Variants in FNIP2 observed in about 807,000 individuals in gnomAD.
FNIP2 encodes folliculin-interacting protein 2.
FNIP2 carries 32 observed loss-of-function variants against 108.7 expected under a neutral mutation model. The observed-to-expected ratio is 0.29, with a 90% CI of 0.22 to 0.40. The LOEUF (loss-of-function observed/expected upper bound fraction) is 0.40, where lower values mean the gene tolerates loss of function less well. FNIP2 is among the 10% of genes least tolerant of loss of function. FNIP2 has a pLI of 1.00. For synonymous variants in FNIP2, 480 were observed against 496.7 expected, an observed-to-expected ratio of 0.97 and a Z score of 0.45; for missense variants, 1,202 against 1,381.6, an observed-to-expected ratio of 0.87 and a Z score of 2.06.
At chr4:158,778,098 A>C (rs1775918077) in intron 1 of FNIP2, among the ~76,000 whole-genome samples, 1 of 152,218 alleles carries the variant, frequency 6.6e-6, no homozygotes, top group South Asian at 2.1e-4. Flanking sequence ...AGTAGTTCTC[A>C]AGTCTGGTCA....
intron 14 of FNIP2, among the ~76,000 whole-genome samples, chr4:158,888,664 A>G (rs1782138758): frequency 6.6e-6 from 1 of 152,158 alleles, no homozygotes; most frequent in Non-Finnish European, 1.5e-5. Flanking sequence ...CAAGGCAGGC[A>G]GATCACTTGA....
At chr4:158,774,071 G>A (rs1406200764) in intron 1 of FNIP2, among the ~76,000 whole-genome samples, 2 of 152,100 alleles carry the variant, frequency 1.3e-5, no homozygotes, top group African/African-American at 4.8e-5. Context: ...CTAATAGCCT[G>A]ACTTCACCAC....
chr4:158,879,808 A>C (rs1781482862), intron 14 of FNIP2, among the ~76,000 whole-genome samples: 1 of 150,608 alleles, frequency 6.6e-6, no homozygotes, highest in East Asian at 2.0e-4. Context: ...TTCACAAAAG[A>C]AGACATTTAT....
At position 158,789,311 on chromosome 4, in the gene FNIP2, G is replaced by A. The variant is rs1233586757; in HGVS notation, c.107+19992G>A. ...CTCAGAGCCTCTAAAAGCAGTGTGT[G>A]TGTGTGTGTATGTGTGTGTGTGTGT... On this transcript the variant is annotated intron_variant, in intron 1 of 16. Coordinates refer to ENST00000264433, the MANE Select transcript of FNIP2 (RefSeq NM_020840.3). 1.3e-4 allele frequency among the ~76,000 whole-genome samples: 16 copies of A among 124,774 alleles called. 1 individual carries two copies. The South Asian group carries it at 2.6e-3, about 20-fold the overall frequency. 81.9% of individuals were successfully genotyped at this position (124,774 alleles called of 152,430 possible).
chr4:158,870,404 C>T lies in FNIP2; in HGVS notation c.2884C>T (p.His962Tyr), dbSNP rs1560819589. The T allele has an allele frequency of 1.2e-6, 2 of 1,614,058 alleles. No homozygotes were observed. Among genetic ancestry groups the T allele is most frequent in the East Asian group, 2.2e-5 (1 of 44,888 alleles). The change falls in exon 14 of 17, where the codon CAT (histidine) becomes TAT (tyrosine). Residue 962 changes from histidine (H) to tyrosine (Y), a missense_variant. This residue lies in a region of FNIP2 where 2 missense variants were observed against 17.3 expected (regional missense o/e 0.12). Coordinates refer to ENST00000264433, the MANE Select transcript of FNIP2 (RefSeq NM_020840.3). ...CACATACATGCCTGATCTTGTGCTT[C>T]ATGGGACCGGCAGTGATGAGAAGCT... The part of the protein sequence containing the change: ...CPTYMPDLVL[H>Y]GTGSDEKLKQ...
chr4:158,774,468 T>A (rs561890922), intron 1 of FNIP2, among the ~76,000 whole-genome samples: 1 of 152,340 alleles, frequency 6.6e-6, no homozygotes, highest in East Asian at 1.9e-4. Context: ...AGAGTAAGGA[T>A]AATGTTTATG....
chr4:158,799,386 G>A (rs1776689096), intron 1 of FNIP2, among the ~76,000 whole-genome samples: 1 of 152,214 alleles, frequency 6.6e-6, no homozygotes, highest in Admixed American at 6.5e-5. Context: ...TCCTGATGTG[G>A]AGATTGGGAG....
chr4:158,878,492 C>T (rs1781403689), intron 14 of FNIP2, among the ~76,000 whole-genome samples: 1 of 152,158 alleles, frequency 6.6e-6, no homozygotes, highest in Non-Finnish European at 1.5e-5. Context: ...TTTATTCTAC[C>T]CGAGTGATTT....
chr4:158,830,287 G>C (rs560159077), intron 3 of FNIP2, among the ~76,000 whole-genome samples: 82 of 114,670 alleles, frequency 7.2e-4, no homozygotes, highest in African/African-American at 2.8e-3. Flanking sequence ...ACGGAGTCTC[G>C]CTCTGTCGCC....
At chr4:158,891,213 C>T (rs1428236231) in intron 14 of FNIP2, among the ~76,000 whole-genome samples, 1 of 140,718 alleles carries the variant, frequency 7.1e-6, no homozygotes, top group Non-Finnish European at 1.5e-5. Flanking sequence ...CCCTCCCAAG[C>T]AGTTACACTT....
chr4:158,772,564 A>G (rs1394263899), intron 1 of FNIP2, among the ~76,000 whole-genome samples: 1 of 152,236 alleles, frequency 6.6e-6, no homozygotes, highest in African/African-American at 2.4e-5. Flanking sequence ...ATGAAGAACA[A>G]GTGAAGGCAT....
intron 1 of FNIP2, among the ~76,000 whole-genome samples, chr4:158,788,683 G>A (rs1472842773): frequency 6.6e-6 from 1 of 152,180 alleles, no homozygotes; most frequent in Admixed American, 6.5e-5. Context: ...TATTCTTTAA[G>A]AAAAAGTAGG....
chr4:158,902,834 C>A (rs1729456590), intron 16 of FNIP2, among the ~76,000 whole-genome samples: 1 of 152,182 alleles, frequency 6.6e-6, no homozygotes, highest in South Asian at 2.1e-4. Context: ...ATGCCCCTCC[C>A]CCAACCAACC....
intron 7 of FNIP2, among the ~76,000 whole-genome samples, chr4:158,838,777 C>T (rs1401518361): frequency 6.6e-6 from 1 of 152,042 alleles, no homozygotes; most frequent in Non-Finnish European, 1.5e-5. Flanking sequence ...CTTAGTTTTT[C>T]ATCTAATAGC....
rs753861006 is a variant in FNIP2, at chr4:158,870,366, C to G, written c.2846C>G (p.Ala949Gly). 1.2e-6 allele frequency: 2 copies of G among 1,613,912 alleles called. No individual in the cohort carries two copies. Among genetic ancestry groups the G allele is most frequent in the Non-Finnish European group, 1.7e-6 (2 of 1,179,892 alleles). ...NVRNFGRSLL[A>G]GYCPTYMPDL... is the part of the protein sequence containing the mutation. Reference sequence around the variant, plus strand: ...AGGAACTTTGGCCGCTCACTTCTGGCGGGCTACTGCCCCACATACATGCCT... The same window carrying G: ...AGGAACTTTGGCCGCTCACTTCTGGGGGGCTACTGCCCCACATACATGCCT... Residue 949 changes from alanine (A) to glycine (G), a missense_variant, in exon 14 of 17, where the codon GCG (alanine) becomes GGG (glycine). Ala to Gly is a moderately conservative substitution (Grantham distance 60). Around this residue, in one of 5 missense-constraint regions of FNIP2, gnomAD observed 878 missense variants for 990.3 expected, o/e 0.89. Coordinates refer to ENST00000264433, the MANE Select transcript of FNIP2 (RefSeq NM_020840.3).
At position 158,868,862 on chromosome 4, in the gene FNIP2, G is replaced by T. The variant is rs769138688; in HGVS notation, c.2226G>T (p.Val742=). Residue 742 remains valine, a synonymous_variant, in exon 13 of 17, where the codon GTG becomes GTT. Transcript: ENST00000264433. The surrounding 1 kb of genome is among the most constrained non-coding windows in gnomAD (Gnocchi z 4.6). ...ESRMKKMEER[V]KACGPSLEAS... is the part of the protein sequence containing the mutation. ...GCATGAAAAAAATGGAGGAACGGGT[G>T]AAGGCCTGTGGCCCCTCCTTGGAGG... is the stretch of plus-strand genomic sequence containing the variant. 6.2e-7 allele frequency: 1 copy of T among 1,613,992 alleles called. No homozygotes were observed.
At chr4:158,881,076 C>T (rs997950673) in intron 14 of FNIP2, among the ~76,000 whole-genome samples, 1 of 152,178 alleles carries the variant, frequency 6.6e-6, no homozygotes. Flanking sequence ...ATGTAGCATC[C>T]TCTTATTAAA....
intron 1 of FNIP2, among the ~76,000 whole-genome samples, chr4:158,784,149 A>G (rs989768872): frequency 1.3e-5 from 2 of 152,262 alleles, no homozygotes; most frequent in African/African-American, 4.8e-5. Context: ...TGTGATATTC[A>G]TGAAGCTGTA....
At position 158,868,412 on chromosome 4, in the gene FNIP2, C is replaced by A. The variant is rs755323521; in HGVS notation, c.1776C>A (p.Asn592Lys). Residue 592 changes from asparagine to lysine, a missense_variant, in exon 13 of 17, where the codon AAC becomes AAA. Asn to Lys is a moderately conservative substitution (Grantham distance 94). Coordinates refer to ENST00000264433, the MANE Select transcript of FNIP2 (RefSeq NM_020840.3). This position sits in a 1 kb window ranked among gnomAD's most constrained non-coding sequence, Gnocchi z 4.6. ...ILPPTAAERHNPWPTGFPECP... is the reference protein window; with the variant it reads ...ILPPTAAERHKPWPTGFPECP... ...CACCAACAGCAGCAGAGAGACACAACCCCTGGCCGACAGGGTTTCCTGAGT... is the reference window on the plus strand; with the variant it reads ...CACCAACAGCAGCAGAGAGACACAAACCCTGGCCGACAGGGTTTCCTGAGT... The A allele has an allele frequency of 8.7e-6, 14 of 1,613,890 alleles. No individual in the cohort carries two copies. Among genetic ancestry groups the A allele is most frequent in the Non-Finnish European group, 1.2e-5 (14 of 1,179,912 alleles).
Sources: gnomAD v4.1 joint callset for allele counts (sites outside exome capture counted in the v4.1 genomes callset) on GRCh38, gnomAD v4.1.1 for gene constraint, gnomAD v4.1.1 regional missense constraint, Gnocchi (gnomAD v3.1) non-coding constraint, MANE v1.5 for transcripts, NCBI Gene and HGNC (gene_info 2026-07-23, HGNC 2026-07-21) for gene names.